Variants in HSPG2 observed in about 807,000 individuals in gnomAD.
HSPG2 encodes basement membrane-specific heparan sulfate proteoglycan core protein.
Under a neutral mutation model 526.6 loss-of-function variants are expected in HSPG2, and 278 were observed. The observed-to-expected ratio is 0.53, with a 90% CI of 0.48 to 0.58. The LOEUF (loss-of-function observed/expected upper bound fraction) is 0.58. Ranked by LOEUF, HSPG2 falls within the 20% of genes least tolerant of loss-of-function variation. The pLI, the probability that HSPG2 is intolerant of heterozygous loss-of-function variation, is 0.00. For missense variants in HSPG2, 5,354 were observed against 6,099.5 expected, an observed-to-expected ratio of 0.88 and a Z score of 4.07; for synonymous variants, 2,465 against 2,555.4, an observed-to-expected ratio of 0.96 and a Z score of 1.07.
intron 29 of HSPG2, 54 bp from the exon 30 acceptor site, chr1:21,873,478 A>G: frequency 1.3e-6 from 2 of 1,565,490 alleles, no homozygotes; most frequent in Admixed American, 1.7e-5. Context: ...GCAGAACCCC[A>G]GGGCTGGGCT....
At chr1:21,923,033 C>T (rs12080786) in intron 1 of HSPG2, among the ~76,000 whole-genome samples, 1,868 of 101,766 alleles carry the variant, frequency 0.018, 34 homozygotes, top group African/African-American at 0.05. Context: ...CCCAAGACTG[C>T]GCCCTTCATT....
At chr1:21,908,402 G>A (rs923889424) in intron 1 of HSPG2, 23 of 1,006,472 alleles carry the variant, frequency 2.3e-5, no homozygotes, top group African/African-American at 2.2e-4. Flanking sequence ...TCTGAGAGCC[G>A]AGATAGCTTC....
At chr1:21,925,447 C>T (rs1377302573) in intron 1 of HSPG2, among the ~76,000 whole-genome samples, 1 of 152,200 alleles carries the variant, frequency 6.6e-6, no homozygotes, top group Non-Finnish European at 1.5e-5. Context: ...GAGCAGGCCC[C>T]GCTCAGCAAA....
chr1:21,857,045 C>A lies in HSPG2; in HGVS notation c.5545G>T (p.Asp1849Tyr), dbSNP rs371373748. The change falls in exon 44 of 97, where the codon GAC becomes TAC. Residue 1849 changes from aspartate (D) to tyrosine (Y), a missense_variant. Coordinates refer to ENST00000374695, the MANE Select transcript of HSPG2 (RefSeq NM_005529.7). Reference sequence around the variant, plus strand: ...ACATGTAGAGTGGCTGTGCCCTGGTCCATGGCAAACATGTTGGAGCCGGTG... The same window carrying A: ...ACATGTAGAGTGGCTGTGCCCTGGTACATGGCAAACATGTTGGAGCCGGTG... ...VCTGSNMFAM[D>Y]QGTATLHVQA... The A allele has an allele frequency of 6.2e-7, 1 of 1,614,036 alleles. No homozygotes were observed. Among genetic ancestry groups the A allele is most frequent in the Non-Finnish European group, 8.5e-7 (1 of 1,180,042 alleles).
At position 21,848,186 on chromosome 1, in the gene HSPG2, G is replaced by A. The variant is rs770848174; in HGVS notation, c.7738-93C>T. The A allele has an allele frequency of 1.5e-4, 212 of 1,431,204 alleles. No homozygotes were observed. Among genetic ancestry groups the A allele is most frequent in the Non-Finnish European group, 1.9e-4 (198 of 1,051,238 alleles). The allele number at this position is 1,431,204 out of a possible 1,614,324, so 88.7% of individuals were successfully genotyped here. A position where few individuals can be genotyped will look rare whatever the true frequency, so the allele number is the denominator to read the frequency against. On this transcript the variant is annotated intron_variant, in intron 59 of 96. Coordinates refer to ENST00000374695, the MANE Select transcript of HSPG2 (RefSeq NM_005529.7). The surrounding 1 kb of genome is among the most constrained non-coding windows in gnomAD (Gnocchi z 4.9). The stretch of plus-strand genomic sequence containing the variant: ...CTGCCGCTGCCCCTGGACTCTGGGG[G>A]CCTCCCTGCCTTGCCTCCTCAGTGG...
intron 6 of HSPG2, 141 bp from the exon 7 acceptor site, chr1:21,888,207 A>G: frequency 9.4e-7 from 1 of 1,064,698 alleles, no homozygotes; most frequent in Non-Finnish European, 1.4e-6. Context: ...GAGGGCAAGC[A>G]GCACACACTA....
intron 1 of HSPG2, among the ~76,000 whole-genome samples, chr1:21,907,697 A>G (rs1267531160): frequency 1.3e-5 from 2 of 152,082 alleles, no homozygotes; most frequent in Non-Finnish European, 2.9e-5. Context: ...TATTTTTTGT[A>G]GAGATGAGGT....
Position 21,833,396 on chromosome 1 carries a change from G to T in HSPG2, c.10979-12C>A, listed in dbSNP as rs776172963. On this transcript the variant is annotated splice_polypyrimidine_tract_variant and intron_variant, in intron 79 of 96. Transcript: ENST00000374695. The stretch of plus-strand genomic sequence containing the variant: ...GGGCACCACCCGCTCTGCCAGCAGA[G>T]AGCACAGCTGAAGACCCTGCCAGTC... 6.2e-7 allele frequency: 1 copy of T among 1,614,110 alleles called. No homozygotes were observed. The highest frequency in any genetic ancestry group is 1.1e-5 in the South Asian group (1 of 91,076).
intron 21 of HSPG2, among the ~76,000 whole-genome samples, chr1:21,876,969 G>C (rs1641116721): frequency 6.9e-6 from 1 of 145,576 alleles, no homozygotes; most frequent in African/African-American, 2.5e-5. Context: ...TGAGGAAGGA[G>C]AATTGTTTGA....
At chr1:21,923,754 C>T (rs959154329) in intron 1 of HSPG2, among the ~76,000 whole-genome samples, 3 of 151,934 alleles carry the variant, frequency 2.0e-5, no homozygotes, top group African/African-American at 7.2e-5. Flanking sequence ...ACCACTCAGC[C>T]TCTCTCCCCT....
At position 21,852,580 on chromosome 1, in the gene HSPG2, C is replaced by T. The variant is rs767459082; in HGVS notation, c.6724+120G>A. ...ACAGGTGGAGTCGGCCTGGGCAGGG[C>T]CCTGCAGCCAGCTCCGGTGTGGGCC... On this transcript the variant is annotated intron_variant, in intron 52 of 96. Coordinates refer to ENST00000374695, the MANE Select transcript of HSPG2 (RefSeq NM_005529.7). The T allele has an allele frequency of 1.4e-5, 20 of 1,398,588 alleles. No homozygotes were observed. In the South Asian group the frequency reaches 2.0e-4, roughly 14 times the overall value. 86.6% of individuals were successfully genotyped at this position (1,398,588 alleles called of 1,614,324 possible).
chr1:21,834,633 C>G, intron 77 of HSPG2, 46 bp downstream of exon 77: 1 of 1,609,796 alleles, frequency 6.2e-7, no homozygotes, highest in Non-Finnish European at 8.5e-7. Context: ...GGAGAAGCCC[C>G]TGCCCCACTC....
At chr1:21,881,886 C>T (rs931738352) in intron 13 of HSPG2, among the ~76,000 whole-genome samples, 3 of 139,012 alleles carry the variant, frequency 2.2e-5, no homozygotes, top group South Asian at 4.5e-4. Context: ...GAGGCTGCAG[C>T]GAGCTGAGAT....
rs376232639 is a variant in HSPG2 at position 21,828,378 on chromosome 1, T to C, written c.12286A>G (p.Ser4096Gly). 1 of 1,613,802 alleles carries C rather than the reference T, an allele frequency of 6.2e-7. No individual in the cohort carries two copies. Among genetic ancestry groups the C allele is most frequent in the Non-Finnish European group, 8.5e-7 (1 of 1,180,000 alleles). The change falls in exon 89 of 97, where the codon AGC becomes GGC. Residue 4096 changes from serine to glycine, a missense_variant. By Grantham distance (56) the Ser-to-Gly change is moderately conservative (BLOSUM62 0). Transcript: ENST00000374695. The surrounding 1 kb of genome is among the most constrained non-coding windows in gnomAD (Gnocchi z 6.0). ...RLDLTYSFLG[S>G]QGIGQCYDSS... ...TCATAGCATTGCCCGATGCCCTGGC[T>C]GCCTAGGAAACTGTAGGTGAGGTCC... is the stretch of plus-strand genomic sequence containing the variant.
intron 44 of HSPG2, among the ~76,000 whole-genome samples, chr1:21,856,359 C>T (rs1639338847): frequency 6.6e-6 from 1 of 152,224 alleles, no homozygotes; most frequent in Admixed American, 6.5e-5. Context: ...GTCACCTCCT[C>T]AGAGAGGCCC....
chr1:21,906,273 C>T (rs116567587), intron 1 of HSPG2, among the ~76,000 whole-genome samples: 3 of 152,294 alleles, frequency 2.0e-5, no homozygotes, highest in South Asian at 2.1e-4. Flanking sequence ...GTGGGGGCCT[C>T]GGAGGCGAGC....
chr1:21,877,547 G>T (rs1347640625), intron 21 of HSPG2: 1 of 148,162 alleles, frequency 6.7e-6, no homozygotes, highest in Non-Finnish European at 1.5e-5. Flanking sequence ...TGCCTACAAT[G>T]GAGTACAGTG....
rs757444495 is a variant in HSPG2 at position 21,828,425 on chromosome 1, A to T, written c.12239T>A (p.Val4080Glu). ...SAHFRGCVGE[V>E]SVNGKRLDLT... Reference sequence around the variant, plus strand: ...GTCCAGCCGTTTGCCATTCACTGACACCTGTGGGGACAGGGACACCGAGGG... The same window carrying T: ...GTCCAGCCGTTTGCCATTCACTGACTCCTGTGGGGACAGGGACACCGAGGG... Residue 4080 changes from valine to glutamate, a missense_variant and splice_region_variant, in exon 89 of 97, where the codon GTG becomes GAG. By Grantham distance (121) the Val-to-Glu change is moderately radical. Transcript: ENST00000374695. The surrounding 1 kb of genome is among the most constrained non-coding windows in gnomAD (Gnocchi z 6.0). The T allele has an allele frequency of 1.4e-5, 22 of 1,612,772 alleles. No homozygotes were observed. The highest frequency in any genetic ancestry group is 1.7e-5 in the Non-Finnish European group (20 of 1,179,942).
chr1:21,913,053 G>A (rs149465885), intron 1 of HSPG2, among the ~76,000 whole-genome samples: 7 of 152,030 alleles, frequency 4.6e-5, no homozygotes, highest in Admixed American at 2.6e-4. Flanking sequence ...TGAGAAGAGA[G>A]AGGAGCCTCC....
Sources: gnomAD v4.1 joint callset for allele counts (sites outside exome capture counted in the v4.1 genomes callset) on GRCh38, gnomAD v4.1.1 for gene constraint, Gnocchi (gnomAD v3.1) non-coding constraint, MANE v1.5 for transcripts, NCBI Gene and HGNC (gene_info 2026-07-23, HGNC 2026-07-21) for gene names.